Variants in ATE1 observed in about 807,000 individuals in gnomAD.
The protein encoded by ATE1 is arginyl-tRNA--protein transferase 1.
Under a neutral mutation model 70.5 loss-of-function variants are expected in ATE1, and 36 were observed. The ratio of observed to expected loss-of-function variants is 0.51; its 90% CI spans 0.39 to 0.67. ATE1 has a LOEUF of 0.67. Among genes scored for constraint, ATE1 ranks in the 30% least tolerant of loss-of-function variants. The pLI is 0.00. For missense variants in ATE1, 593 were observed against 629.5 expected (o/e 0.94, Z 0.62); for synonymous variants, 232 against 219.3 (o/e 1.06, Z -0.51).
chr10:121,817,210 T>C (rs893397034), intron 10 of ATE1, among the ~76,000 whole-genome samples: 7 of 152,250 alleles, frequency 4.6e-5, no homozygotes, highest in Non-Finnish European at 7.3e-5. Flanking sequence ...CAAAGACTTA[T>C]TGAACATTTA....
At chr10:121,877,183 C>T (rs1201660401) in intron 7 of ATE1, among the ~76,000 whole-genome samples, 1 of 152,082 alleles carries the variant, frequency 6.6e-6, no homozygotes, top group East Asian at 1.9e-4. Flanking sequence ...CCATAGGACG[C>T]TAATGACCTA....
intron 11 of ATE1, among the ~76,000 whole-genome samples, chr10:121,787,406 G>C (rs557258447): frequency 6.6e-6 from 1 of 152,120 alleles, no homozygotes; most frequent in Non-Finnish European, 1.5e-5. Flanking sequence ...TTTCACAGCA[G>C]GCTGAATACA....
chr10:121,908,788 C>A (rs1471682378), intron 5 of ATE1, among the ~76,000 whole-genome samples: 1 of 152,168 alleles, frequency 6.6e-6, no homozygotes, highest in Non-Finnish European at 1.5e-5. Context: ...TGCCCCCCTG[C>A]CCCACGGCAA....
intron 8 of ATE1, among the ~76,000 whole-genome samples, chr10:121,850,497 T>C (rs1378821120): frequency 6.6e-6 from 1 of 152,250 alleles, no homozygotes; most frequent in Non-Finnish European, 1.5e-5. Flanking sequence ...TGTGGAATTG[T>C]ATTTCCTTAA....
chr10:121,895,206 C>T (rs1393246420), intron 7 of ATE1, among the ~76,000 whole-genome samples: 5 of 152,194 alleles, frequency 3.3e-5, no homozygotes, highest in African/African-American at 9.7e-5. Flanking sequence ...TGAGTTACCA[C>T]GTGACCCAGT....
At chr10:121,829,379 G>A (rs893716478) in intron 10 of ATE1, among the ~76,000 whole-genome samples, 14 of 151,326 alleles carry the variant, frequency 9.3e-5, no homozygotes, top group Admixed American at 1.3e-4. Context: ...AGCAGAGATC[G>A]TGCCACTGCA....
intron 5 of ATE1, among the ~76,000 whole-genome samples, chr10:121,905,725 G>A (rs1951163450): frequency 6.6e-6 from 1 of 152,054 alleles, no homozygotes; most frequent in Non-Finnish European, 1.5e-5. Context: ...TGCACCTGTA[G>A]TCCCAGCTAC....
At chr10:121,823,328 G>T (rs1469007282) in intron 10 of ATE1, among the ~76,000 whole-genome samples, 1 of 151,980 alleles carries the variant, frequency 6.6e-6, no homozygotes, top group South Asian at 2.1e-4. Flanking sequence ...AACAAATAAT[G>T]AGAAGAGGTC....
intron 11 of ATE1, among the ~76,000 whole-genome samples, chr10:121,774,053 A>T (rs1397012477): frequency 1.3e-5 from 2 of 152,198 alleles, no homozygotes; most frequent in Admixed American, 6.5e-5. Flanking sequence ...ATGCAGTTTA[A>T]ATGTTTTAAG....
intron 7 of ATE1, among the ~76,000 whole-genome samples, chr10:121,875,732 T>C (rs912591204): frequency 6.6e-6 from 1 of 152,142 alleles, no homozygotes; most frequent in Non-Finnish European, 1.5e-5. Flanking sequence ...GTCTGGGAAA[T>C]GCTCTTACTA....
At chr10:121,859,928 G>A (rs1457750975) in intron 8 of ATE1, among the ~76,000 whole-genome samples, 2 of 152,148 alleles carry the variant, frequency 1.3e-5, no homozygotes, top group African/African-American at 2.4e-5. Context: ...GCGACACAGT[G>A]AGGCTCCATC....
chr10:121,904,398 T>C (rs1294212131), intron 5 of ATE1, among the ~76,000 whole-genome samples: 1 of 150,840 alleles, frequency 6.6e-6, no homozygotes, highest in Non-Finnish European at 1.5e-5. Context: ...TCCCAGCACT[T>C]TGGGAGGCCG....
intron 11 of ATE1, among the ~76,000 whole-genome samples, chr10:121,756,833 T>C (rs1013787490): frequency 6.6e-6 from 1 of 152,184 alleles, no homozygotes; most frequent in African/African-American, 2.4e-5. Flanking sequence ...AGGCCTGTGA[T>C]GGGAGGGGCT....
rs570745304 is a variant in ATE1 at position 121,901,454 on chromosome 10, C to T, written c.813+937G>A. Among the ~76,000 whole-genome samples the T allele has an allele frequency of 1.1e-3, 161 of 152,108 alleles. 1 individual carries two copies. The highest frequency in any genetic ancestry group is 3.6e-3 in the African/African-American group (149 of 41,494). On this transcript the variant is annotated intron_variant, in intron 6 of 11. Transcript: ENST00000224652. Reference sequence around the variant, plus strand: ...GAGAATAAGATAAAAATCATTATGGCTAATGTTTTTGAATTTTTTTGAGAC... The same window carrying T: ...GAGAATAAGATAAAAATCATTATGGTTAATGTTTTTGAATTTTTTTGAGAC...
At chr10:121,784,257 T>C (rs1476567668) in intron 11 of ATE1, among the ~76,000 whole-genome samples, 1 of 152,228 alleles carries the variant, frequency 6.6e-6, no homozygotes, top group East Asian at 1.9e-4. Flanking sequence ...TAAAATAGTA[T>C]GTTTTAAAAT....
intron 7 of ATE1, among the ~76,000 whole-genome samples, chr10:121,896,394 A>T (rs1950780028): frequency 6.6e-6 from 1 of 152,254 alleles, no homozygotes; most frequent in African/African-American, 2.4e-5. Context: ...GGAGAGATAG[A>T]TTAAACAAGA....
intron 10 of ATE1, among the ~76,000 whole-genome samples, chr10:121,823,402 G>A (rs909668315): frequency 1.3e-5 from 2 of 152,194 alleles, no homozygotes; most frequent in African/African-American, 2.4e-5. Context: ...AAGGTGAAGT[G>A]GGGAAAACAC....
chr10:121,910,512 C>T (rs1564955751), intron 5 of ATE1, among the ~76,000 whole-genome samples: 1 of 151,970 alleles, frequency 6.6e-6, no homozygotes, highest in African/African-American at 2.4e-5. Context: ...TAATGATAAA[C>T]TGAAGAATTT....
chr10:121,836,477 C>CT lies in ATE1; in HGVS notation c.1257+240dup, dbSNP rs568581394. Among the ~76,000 whole-genome samples the CT allele has an allele frequency of 3.9e-5, 6 of 152,066 alleles. No individual in the cohort carries two copies. In the South Asian group the frequency reaches 1.2e-3, roughly 32 times the overall value. On this transcript the variant is annotated intron_variant, in intron 10 of 11. Coordinates refer to ENST00000224652, the MANE Select transcript of ATE1 (RefSeq NM_001001976.3). Reference sequence around the variant, plus strand: ...AGTTTCATTAACGAGAGTCATAAAACTTTTTTTTAAAGGGAAATTCTGAAA... The same window carrying CT: ...AGTTTCATTAACGAGAGTCATAAAACTTTTTTTTTAAAGGGAAATTCTGAAA...
Sources: allele counts gnomAD v4.1 joint callset (sites outside exome capture counted in the v4.1 genomes callset), GRCh38; gene constraint gnomAD v4.1.1; transcripts MANE v1.5; gene names NCBI Gene and HGNC (gene_info 2026-07-23, HGNC 2026-07-21).